The following IL12B variants were observed in gnomAD, a reference collection of about 807,000 sequenced individuals.
IL12B encodes interleukin-12 subunit beta.
A neutral mutation model predicts 39.2 loss-of-function variants in IL12B; 27 were observed. The ratio of observed to expected loss-of-function variants is 0.69; its 90% CI spans 0.51 to 0.95. IL12B has a LOEUF of 0.95. Ranked by LOEUF, IL12B falls within the 40% of genes least tolerant of loss-of-function variation. IL12B has a pLI of 0.00. For synonymous variants in IL12B, 142 were observed against 152.1 expected, an observed-to-expected ratio of 0.93 and a Z score of 0.49; for missense variants, 351 against 397.6, an observed-to-expected ratio of 0.88 and a Z score of 1.00.
chr5:159,318,909 A>G lies in IL12B; in HGVS notation c.698-16T>C. ...TCAGGTTTGACTGTGGAAGAGGATA[A>G]ACATGCTTTATTTTCCTAATAAGGC... On this transcript the variant is annotated splice_polypyrimidine_tract_variant and intron_variant, in intron 5 of 7. Transcript: ENST00000231228. 6.2e-7 allele frequency: 1 copy of G among 1,611,434 alleles called. No individual in the cohort carries two copies. Among genetic ancestry groups the G allele is most frequent in the Non-Finnish European group, 8.5e-7 (1 of 1,178,106 alleles).
chr5:159,318,631 G>C (rs1336890681), intron 6 of IL12B, 105 bp downstream of exon 6: 4 of 1,048,346 alleles, frequency 3.8e-6, no homozygotes, highest in Non-Finnish European at 4.5e-6. Flanking sequence ...CTGTTGTTAA[G>C]TGATACATGG....
At chr5:159,324,737 G>T (rs1365309112) in intron 2 of IL12B, among the ~76,000 whole-genome samples, 1 of 152,224 alleles carries the variant, frequency 6.6e-6, no homozygotes, top group Non-Finnish European at 1.5e-5. Context: ...GCTTTAGAAG[G>T]TGGATATGTG....
At chr5:159,321,024 G>A (rs1584753924) in intron 4 of IL12B, among the ~76,000 whole-genome samples, 2 of 148,198 alleles carry the variant, frequency 1.3e-5, no homozygotes, top group South Asian at 4.3e-4. Context: ...TTAAGAGACA[G>A]GGTTTTGCTC....
rs184456794 is a variant in IL12B at position 159,318,558 on chromosome 5, G to T, written c.855+178C>A. 7.2e-4 allele frequency among the ~76,000 whole-genome samples: 109 copies of T among 152,238 alleles called. 1 individual carries two copies. The highest frequency in any genetic ancestry group is 2.5e-3 in the African/African-American group (104 of 41,522). On this transcript the variant is annotated intron_variant, in intron 6 of 7. Coordinates refer to ENST00000231228, the MANE Select transcript of IL12B (RefSeq NM_002187.3). Reference sequence around the variant, plus strand: ...GGCTATACCATCTAGGTTTGTGTGGGTACACCATATATGTTTGCACAATGA... The same window carrying T: ...GGCTATACCATCTAGGTTTGTGTGGTTACACCATATATGTTTGCACAATGA...
intron 7 of IL12B, 100 bp downstream of exon 7, chr5:159,316,585 C>A (rs1753993198): frequency 1.5e-6 from 2 of 1,320,292 alleles, no homozygotes; most frequent in Non-Finnish European, 2.1e-6. Context: ...GTGCTGGCCA[C>A]TCCATCCCCC....
At chr5:159,317,530 G>A (rs999637450) in intron 6 of IL12B, among the ~76,000 whole-genome samples, 1 of 152,164 alleles carries the variant, frequency 6.6e-6, no homozygotes, top group African/African-American at 2.4e-5. Context: ...TCTACCACAT[G>A]CTAAATGCTA....
intron 6 of IL12B, 121 bp from the exon 7 acceptor site, chr5:159,316,937 C>T: frequency 9.1e-7 from 1 of 1,100,424 alleles, no homozygotes; most frequent in Non-Finnish European, 1.4e-6. Context: ...GGGCACTGTG[C>T]TTGCAATTCA....
chr5:159,321,838 C>T (rs533842718), intron 4 of IL12B, among the ~76,000 whole-genome samples: 1 of 152,214 alleles, frequency 6.6e-6, no homozygotes, highest in South Asian at 2.1e-4. Flanking sequence ...ACACATAGGT[C>T]TTGTATTTAT....
At chr5:159,319,132 TGA>T (rs1242407554) in intron 5 of IL12B, among the ~76,000 whole-genome samples, 2 of 152,204 alleles carry the variant, frequency 1.3e-5, no homozygotes, top group Non-Finnish European at 2.9e-5. Context: ...TTGCAGGATC[TGA>T]GAGATGCTCA....
intron 1 of IL12B, among the ~76,000 whole-genome samples, chr5:159,330,137 C>A (rs569788598): frequency 1.3e-5 from 2 of 152,322 alleles, no homozygotes; most frequent in African/African-American, 4.8e-5. Context: ...TACTTTTATA[C>A]ATCAATACAC....
chr5:159,322,312 A>C (rs1281181787), intron 4 of IL12B, 82 bp downstream of exon 4: 2 of 890,580 alleles, frequency 2.2e-6, no homozygotes, highest in Non-Finnish European at 3.8e-6. Context: ...TCATTAACTG[A>C]TAGGTCACTG....
intron 2 of IL12B, among the ~76,000 whole-genome samples, chr5:159,324,095 C>CATTATTATT (rs59737069): frequency 5.3e-5 from 8 of 150,348 alleles, no homozygotes; most frequent in South Asian, 4.2e-4. Flanking sequence ...ATTCTCTCTG[C>CATTATTATT]ATTATTATTA....
At chr5:159,316,595 C>T in intron 7 of IL12B, 90 bp downstream of exon 7, 1 of 1,422,512 alleles carries the variant, frequency 7.0e-7, no homozygotes. Flanking sequence ...CTCCATCCCC[C>T]TTTCCTCTCC....
Position 159,318,781 on chromosome 5 carries a change from G to A in IL12B, c.810C>T (p.Ser270=). The part of the protein sequence containing the change: ...DTWSTPHSYF[S]LTFCVQVQGK... ...CCTGGACCTGAACGCAGAATGTCAG[G>A]GAGAAGTAGGAATGTGGAGTACTCC... is the stretch of plus-strand genomic sequence containing the variant. The change falls in exon 6 of 8, where the codon TCC becomes TCT. Residue 270 remains serine, a synonymous_variant. Transcript: ENST00000231228. The A allele has an allele frequency of 6.2e-7, 1 of 1,614,164 alleles. No homozygotes were observed. The highest frequency in any genetic ancestry group is 8.5e-7 in the Non-Finnish European group (1 of 1,180,024).
intron 2 of IL12B, among the ~76,000 whole-genome samples, chr5:159,325,881 C>A (rs765444025): frequency 6.6e-6 from 1 of 152,154 alleles, no homozygotes; most frequent in Non-Finnish European, 1.5e-5. Context: ...GTACAGCCAA[C>A]GGTCAGAATG....
chr5:159,316,414 C>T lies in IL12B; in HGVS notation c.*271G>A, dbSNP rs555734850. Among the ~76,000 whole-genome samples, 21 of 152,362 alleles carry T rather than the reference C, an allele frequency of 1.4e-4. No homozygotes were observed. The East Asian group carries it at 3.3e-3, about 24-fold the overall frequency. On this transcript the variant is annotated intron_variant, in intron 7 of 7. Transcript: ENST00000231228. ...AAGTCCTCCATGCTCTGCCTCCTGG[C>T]TACCTCTCTCTTTTCTTTGCCTTTC...
intron 2 of IL12B, among the ~76,000 whole-genome samples, chr5:159,323,541 C>G (rs558362761): frequency 1.3e-5 from 2 of 152,282 alleles, no homozygotes; most frequent in African/African-American, 4.8e-5. Context: ...TAGCTGCCAT[C>G]GACTCATTGA....
chr5:159,321,999 A>C (rs1249112825), intron 4 of IL12B, among the ~76,000 whole-genome samples: 1 of 152,160 alleles, frequency 6.6e-6, no homozygotes, highest in East Asian at 1.9e-4. Context: ...AGGGCCCCTA[A>C]GATCTACGCC....
chr5:159,320,780 C>T (rs1482448429), intron 4 of IL12B, among the ~76,000 whole-genome samples: 1 of 152,076 alleles, frequency 6.6e-6, no homozygotes, highest in East Asian at 1.9e-4. Flanking sequence ...TTATTAAACC[C>T]CCTTGTTAAA....
Sources: gnomAD v4.1 joint callset for allele counts (sites outside exome capture counted in the v4.1 genomes callset) on GRCh38, gnomAD v4.1.1 for gene constraint, MANE v1.5 for transcripts, NCBI Gene and HGNC (gene_info 2026-07-23, HGNC 2026-07-21) for gene names.